TBC1D14: variants seen among roughly 807,000 people sequenced by gnomAD.
TBC1D14 encodes TBC1 domain family, member 14.
In TBC1D14, 26 loss-of-function variants were observed where a neutral mutation model predicts 79.0. The ratio of observed to expected loss-of-function variants is 0.33; its 90% CI spans 0.24 to 0.46. The LOEUF (loss-of-function observed/expected upper bound fraction) is 0.46, where lower values mean the gene tolerates loss of function less well. TBC1D14 is among the 20% of genes least tolerant of loss of function. The pLI is 1.00. For missense variants in TBC1D14, 769 were observed against 887.6 expected (o/e 0.87, Z 1.70); for synonymous variants, 394 against 349.9 (o/e 1.13, Z -1.40).
chr4:6,971,587 G>A (rs530390763), intron 3 of TBC1D14, among the ~76,000 whole-genome samples: 46 of 152,194 alleles, frequency 3.0e-4, no homozygotes, highest in Non-Finnish European at 4.7e-4. Flanking sequence ...GTTTGAGAGC[G>A]ATTTTCTTAA....
intron 2 of TBC1D14, among the ~76,000 whole-genome samples, chr4:6,940,258 A>C (rs1712776392): frequency 6.6e-6 from 1 of 152,244 alleles, no homozygotes; most frequent in Non-Finnish European, 1.5e-5. Context: ...GGCTCAGATT[A>C]GTACATTTCC....
In TBC1D14 at chr4:6,919,866, G is replaced by A. The variant is rs541869408; in HGVS notation, c.-17-3507G>A. Among the ~76,000 whole-genome samples, 20 of 152,198 alleles carry A rather than the reference G, an allele frequency of 1.3e-4. 1 individual carries two copies. In the East Asian group the frequency reaches 1.4e-3, roughly 10 times the overall value. Reference sequence around the variant, plus strand: ...AAACTCCTGACTTCGTGATCTGCCCGCCTTGGCCTCCCAAAGTACTGGGAT... The same window carrying A: ...AAACTCCTGACTTCGTGATCTGCCCACCTTGGCCTCCCAAAGTACTGGGAT... On this transcript the variant is annotated intron_variant, in intron 1 of 13. Transcript: ENST00000409757.
chr4:6,962,356 C>G (rs1715301469), intron 2 of TBC1D14, among the ~76,000 whole-genome samples: 1 of 152,114 alleles, frequency 6.6e-6, no homozygotes, highest in African/African-American at 2.4e-5. Flanking sequence ...GGGTTGGAGG[C>G]AGGGCACCTA....
At chr4:6,956,312 T>G (rs1376973110) in intron 2 of TBC1D14, among the ~76,000 whole-genome samples, 3 of 152,182 alleles carry the variant, frequency 2.0e-5, no homozygotes, top group Admixed American at 2.0e-4. Context: ...AGACCACCCC[T>G]GGCCAGAGGC....
intron 12 of TBC1D14, 113 bp from the exon 13 acceptor site, chr4:7,024,891 G>A (rs2109314940): frequency 6.9e-7 from 1 of 1,445,376 alleles, no homozygotes. Flanking sequence ...GGCCCCAGCT[G>A]TTGCCTGAAA....
At chr4:6,916,129 GAA>G (rs5855936) in intron 1 of TBC1D14, among the ~76,000 whole-genome samples, 1 of 139,538 alleles carries the variant, frequency 7.2e-6, no homozygotes, top group Non-Finnish European at 1.5e-5. Context: ...TCCATCTCAG[GAA>G]AAAAAAAAAA....
chr4:6,996,020 G>A (rs1257214422), intron 4 of TBC1D14, among the ~76,000 whole-genome samples: 1 of 148,512 alleles, frequency 6.7e-6, no homozygotes, highest in Non-Finnish European at 1.5e-5. Flanking sequence ...GTATTTTTTA[G>A]TAGAGACGGG....
intron 2 of TBC1D14, among the ~76,000 whole-genome samples, chr4:6,953,977 G>A (rs1274469167): frequency 1.3e-5 from 2 of 152,146 alleles, no homozygotes; most frequent in African/African-American, 4.8e-5. Context: ...GTCCCGGTGG[G>A]TTTTGTGCCT....
chr4:7,024,606 T>C (rs1368754728), intron 12 of TBC1D14, among the ~76,000 whole-genome samples: 1 of 152,184 alleles, frequency 6.6e-6, no homozygotes, highest in Non-Finnish European at 1.5e-5. Context: ...GGGGAACCTG[T>C]GCAGTGGCGC....
At chr4:6,972,096 A>G (rs527295015) in intron 3 of TBC1D14, among the ~76,000 whole-genome samples, 27 of 152,274 alleles carry the variant, frequency 1.8e-4, no homozygotes, top group African/African-American at 5.5e-4. Flanking sequence ...CCTTGTGAGT[A>G]AAGGGGAACC....
chr4:7,025,591 T>C (rs1419704317), intron 13 of TBC1D14, among the ~76,000 whole-genome samples: 4 of 152,186 alleles, frequency 2.6e-5, no homozygotes, highest in Non-Finnish European at 5.9e-5. Flanking sequence ...ACCCCCCTTT[T>C]TAAAAAAAAT....
At chr4:7,025,736 A>C (rs1335005355) in intron 13 of TBC1D14, among the ~76,000 whole-genome samples, 2 of 152,126 alleles carry the variant, frequency 1.3e-5, no homozygotes, top group African/African-American at 2.4e-5. Flanking sequence ...CCCAGAGAGG[A>C]GGGCGCGGGT....
At chr4:7,006,199 A>G (rs1022343666) in intron 8 of TBC1D14, among the ~76,000 whole-genome samples, 1 of 152,146 alleles carries the variant, frequency 6.6e-6, no homozygotes, top group Non-Finnish European at 1.5e-5. Context: ...AAGAAATATT[A>G]CATGAGTATA....
chr4:6,943,629 G>A (rs1395924000), intron 2 of TBC1D14, among the ~76,000 whole-genome samples: 1 of 152,136 alleles, frequency 6.6e-6, no homozygotes, highest in Non-Finnish European at 1.5e-5. Context: ...CCTCCTCTAG[G>A]AAGCCTTCTT....
rs1723175872 is a variant in TBC1D14 at position 7,032,756 on chromosome 4, A to T, written c.*2364A>T. 1 of 152,162 alleles carries T rather than the reference A, an allele frequency of 6.6e-6. No homozygotes were observed. Among genetic ancestry groups the T allele is most frequent in the African/African-American group, 2.4e-5 (1 of 41,418 alleles). The allele number at this position is 152,162 out of a possible 1,614,324, so 9.4% of individuals were successfully genotyped here. A position where few individuals can be genotyped will look rare whatever the true frequency, so the allele number is the denominator to read the frequency against. The stretch of plus-strand genomic sequence containing the variant: ...TAAGTAAACTGGAAATGAGACATTG[A>T]CGTGCTGCTCCTCCAGAGGTCTGCA... On this transcript the variant is annotated 3_prime_UTR_variant, in exon 14 of 14. Coordinates refer to ENST00000409757, the MANE Select transcript of TBC1D14 (RefSeq NM_020773.3).
intron 3 of TBC1D14, chr4:6,987,434 C>A: frequency 8.1e-7 from 1 of 1,233,236 alleles, no homozygotes; most frequent in Non-Finnish European, 1.0e-6. Flanking sequence ...GGCCTGCCAG[C>A]CCTGCGGCCC....
chr4:6,957,205 G>A (rs1046642264), intron 2 of TBC1D14, among the ~76,000 whole-genome samples: 8 of 152,212 alleles, frequency 5.3e-5, no homozygotes, highest in Admixed American at 3.9e-4. Flanking sequence ...GGGAGGCCTG[G>A]AAGGGCCTGA....
At chr4:6,972,205 G>C in intron 3 of TBC1D14, among the ~76,000 whole-genome samples, 1 of 152,204 alleles carries the variant, frequency 6.6e-6, no homozygotes, top group Non-Finnish European at 1.5e-5. Flanking sequence ...GACTTCTGTG[G>C]CCCTTGCCTT....
chr4:7,008,902 C>T (rs1317865343), intron 9 of TBC1D14, among the ~76,000 whole-genome samples: 2 of 152,206 alleles, frequency 1.3e-5, no homozygotes, highest in East Asian at 3.8e-4. Flanking sequence ...CACACTAGTC[C>T]TTAGACTGGC....
Sources: allele counts gnomAD v4.1 joint callset (sites outside exome capture counted in the v4.1 genomes callset), GRCh38; gene constraint gnomAD v4.1.1; transcripts MANE v1.5; gene names NCBI Gene and HGNC (gene_info 2026-07-23, HGNC 2026-07-21).